LOC122539214: variants seen among roughly 807,000 people sequenced by gnomAD.
chr19:52,686,140 G>C, the LOC122539214 span, among the ~76,000 whole-genome samples: 2 of 152,148 alleles, frequency 1.3e-5, no homozygotes, highest in South Asian at 2.1e-4. Context: ...ATCTTTACCA[G>C]GTACACACTG....
the LOC122539214 span, among the ~76,000 whole-genome samples, chr19:52,676,200 C>T: frequency 3.3e-5 from 5 of 152,198 alleles, no homozygotes; most frequent in Non-Finnish European, 7.4e-5. Flanking sequence ...TTGGGCTGGT[C>T]TCCAGCTCCT....
chr19:52,664,905 A>G, the LOC122539214 span, among the ~76,000 whole-genome samples: 1 of 152,128 alleles, frequency 6.6e-6, no homozygotes, highest in East Asian at 1.9e-4. Context: ...ACAGCTCAGG[A>G]GTCAGGGAAA....
At chr19:52,668,879 C>A in the LOC122539214 span, among the ~76,000 whole-genome samples, 1 of 151,954 alleles carries the variant, frequency 6.6e-6, no homozygotes, top group African/African-American at 2.4e-5. Flanking sequence ...ACAAGTTATG[C>A]CAAGCTCTCT....
the LOC122539214 span, among the ~76,000 whole-genome samples, chr19:52,670,118 G>A: frequency 8.6e-5 from 13 of 151,014 alleles, no homozygotes; most frequent in Non-Finnish European, 2.9e-5. Context: ...CCAATCACCT[G>A]CTCCACCTTG....
the LOC122539214 span, among the ~76,000 whole-genome samples, chr19:52,682,566 G>A: frequency 6.6e-6 from 1 of 152,076 alleles, no homozygotes; most frequent in South Asian, 2.1e-4. Flanking sequence ...AGCTACTCAG[G>A]AGGCTGAGGC....
chr19:52,681,517 A>G, the LOC122539214 span, among the ~76,000 whole-genome samples: 1 of 152,170 alleles, frequency 6.6e-6, no homozygotes, highest in Non-Finnish European at 1.5e-5. Context: ...TGTGCTATAC[A>G]CTGTTCTAAG....
chr19:52,666,496 G>A, the LOC122539214 span, among the ~76,000 whole-genome samples: 94 of 151,902 alleles, frequency 6.2e-4, no homozygotes, highest in East Asian at 0.01. Flanking sequence ...AGTAAACCGC[G>A]GATGGCCCAA....
chr19:52,664,795 G>A, the LOC122539214 span, among the ~76,000 whole-genome samples: 1 of 151,836 alleles, frequency 6.6e-6, no homozygotes, highest in African/African-American at 2.4e-5. Flanking sequence ...TGAGGGGTTC[G>A]CAGGGGAATG....
the LOC122539214 span, among the ~76,000 whole-genome samples, chr19:52,671,394 C>T: frequency 2.6e-5 from 4 of 152,066 alleles, no homozygotes; most frequent in Admixed American, 6.5e-5. Context: ...TAAATTCACT[C>T]TATGTGCCTT....
At chr19:52,684,795 GA>G in the LOC122539214 span, among the ~76,000 whole-genome samples, 115 of 151,000 alleles carry the variant, frequency 7.6e-4, no homozygotes, top group African/African-American at 2.4e-3. Context: ...TGGTGTTTGG[GA>G]AAAAAAAAAT....
chr19:52,690,106 G>A, the LOC122539214 span, among the ~76,000 whole-genome samples: 1 of 151,848 alleles, frequency 6.6e-6, no homozygotes, highest in South Asian at 2.1e-4. Context: ...GCTGGGAGGT[G>A]CCCACGGCGG....
At chr19:52,671,692 C>A in the LOC122539214 span, among the ~76,000 whole-genome samples, 1 of 152,166 alleles carries the variant, frequency 6.6e-6, no homozygotes, top group African/African-American at 2.4e-5. Flanking sequence ...ATCAACCCAC[C>A]TTTGCTTCCC....
the LOC122539214 span, among the ~76,000 whole-genome samples, chr19:52,656,667 A>C: frequency 5.3e-5 from 8 of 152,138 alleles, no homozygotes; most frequent in Non-Finnish European, 1.0e-4. Flanking sequence ...AGAGATTAAG[A>C]CAAGCTGGGC....
chr19:52,669,545 C>A, the LOC122539214 span, among the ~76,000 whole-genome samples: 2 of 152,136 alleles, frequency 1.3e-5, no homozygotes, highest in Admixed American at 6.5e-5. Flanking sequence ...GAGTTTGCAT[C>A]ATAATTAAAA....
chr19:52,664,184 A>AT, the LOC122539214 span, among the ~76,000 whole-genome samples: 2,040 of 141,826 alleles, frequency 0.014, 20 homozygotes, highest in Non-Finnish European at 0.019. Flanking sequence ...CACCAGGCCT[A>AT]TTTTTTTTTT....
the LOC122539214 span, among the ~76,000 whole-genome samples, chr19:52,662,059 GCA>G: frequency 1.3e-5 from 2 of 152,178 alleles, no homozygotes; most frequent in African/African-American, 4.8e-5. Flanking sequence ...GGTCCTGGGA[GCA>G]CAGATCCATA....
chr19:52,652,306 C>A, the LOC122539214 span: 1 of 245,358 alleles, frequency 4.1e-6, no homozygotes, highest in South Asian at 4.5e-5. Flanking sequence ...CTTGGTGGAG[C>A]ATGCTTGTAG....
At chr19:52,673,991 GGGTAACA>G in the LOC122539214 span, among the ~76,000 whole-genome samples, 1 of 142,750 alleles carries the variant, frequency 7.0e-6, no homozygotes, top group African/African-American at 2.7e-5. Flanking sequence ...CCTGCAGCCT[GGGTAACA>G]GAGTGAGACT....
chr19:52,656,799 G>A, the LOC122539214 span, among the ~76,000 whole-genome samples: 1 of 151,272 alleles, frequency 6.6e-6, no homozygotes, highest in Admixed American at 6.6e-5. Flanking sequence ...TCGGGAGGCT[G>A]AGGTTGCAGT....
Sources: gnomAD v4.1 joint callset for allele counts (sites outside exome capture counted in the v4.1 genomes callset) on GRCh38, gnomAD v4.1.1 for gene constraint, MANE v1.5 for transcripts.